The following CSMD1 variants were observed in gnomAD, a reference collection of about 807,000 sequenced individuals.
CSMD1 encodes CUB and sushi domain-containing protein 1.
CSMD1 carries 213 observed loss-of-function variants against 417.5 expected under a neutral mutation model. The observed-to-expected ratio is 0.51, with a 90% CI of 0.46 to 0.57. The LOEUF is 0.57. Among genes scored for constraint, CSMD1 ranks in the 20% least tolerant of loss-of-function variants. The probability of loss-of-function intolerance (pLI) is 0.00; values close to 1 mark genes in which losing one functional copy is unlikely to be tolerated. For synonymous variants in CSMD1, 2,862 were observed against 1,736.8 expected, an observed-to-expected ratio of 1.65 and a Z score of -16.11; for missense variants, 6,923 against 4,529.7, an observed-to-expected ratio of 1.53 and a Z score of -15.17.
chr8:4,722,156 G>T (rs1169569942), intron 1 of CSMD1, among the ~76,000 whole-genome samples: 1 of 152,090 alleles, frequency 6.6e-6, no homozygotes, highest in East Asian at 1.9e-4. Flanking sequence ...GAGAGAAGAT[G>T]TAAGATTTTT....
chr8:3,365,855 G>T (rs991003022), intron 20 of CSMD1, among the ~76,000 whole-genome samples: 2 of 152,160 alleles, frequency 1.3e-5, no homozygotes, highest in Non-Finnish European at 2.9e-5. Flanking sequence ...CCGCACAGTG[G>T]AACATCATCT....
chr8:3,645,701 A>G (rs1797539770), intron 7 of CSMD1, among the ~76,000 whole-genome samples: 1 of 152,210 alleles, frequency 6.6e-6, no homozygotes. Context: ...AAAGAACTTT[A>G]CTTGGCTCTG....
intron 1 of CSMD1, among the ~76,000 whole-genome samples, chr8:4,900,384 C>A (rs952254532): frequency 6.6e-6 from 1 of 152,172 alleles, no homozygotes; most frequent in Non-Finnish European, 1.5e-5. Flanking sequence ...TGACGAACCT[C>A]CTTCCGCACG....
chr8:4,439,630 C>T lies in CSMD1; in HGVS notation c.303-19565G>A, dbSNP rs549572448. Among the ~76,000 whole-genome samples, 130 of 152,114 alleles carry T rather than the reference C, an allele frequency of 8.5e-4. 1 individual carries two copies. Among genetic ancestry groups the T allele is most frequent in the Admixed American group, 4.2e-3 (64 of 15,284 alleles). On this transcript the variant is annotated intron_variant, in intron 2 of 69. Transcript: ENST00000635120. ...TTTGTTTTAAGGTAAAGTAAAACAGCACCATAAGGCAAAATGGAAGTTGGT... is the reference window on the plus strand; with the variant it reads ...TTTGTTTTAAGGTAAAGTAAAACAGTACCATAAGGCAAAATGGAAGTTGGT...
chr8:4,037,543 T>C lies in CSMD1; in HGVS notation c.416-5444A>G, dbSNP rs138338662. Among the ~76,000 whole-genome samples, 627 of 152,304 alleles carry C rather than the reference T, an allele frequency of 4.1e-3. 5 individuals carry two copies. Among genetic ancestry groups the C allele is most frequent in the African/African-American group, 0.015 (603 of 41,572 alleles). On this transcript the variant is annotated intron_variant, in intron 3 of 69. Coordinates refer to ENST00000635120, the MANE Select transcript of CSMD1 (RefSeq NM_033225.6). ...TTTAGAAGAATTTGAAAAACACAAA[T>C]CAGACATAGCCTTTGCAAGGTGCCG...
intron 3 of CSMD1, among the ~76,000 whole-genome samples, chr8:4,171,924 C>T (rs972954955): frequency 2.0e-5 from 3 of 152,064 alleles, no homozygotes; most frequent in South Asian, 2.1e-4. Flanking sequence ...TTATGTTTCT[C>T]GCAATACTCT....
At chr8:3,548,742 G>C (rs1040634546) in intron 10 of CSMD1, among the ~76,000 whole-genome samples, 2 of 150,656 alleles carry the variant, frequency 1.3e-5, no homozygotes, top group African/African-American at 4.9e-5. Flanking sequence ...AGGAATTTGG[G>C]TTGTTTCTAA....
chr8:4,230,774 A>C (rs893754857), intron 3 of CSMD1, among the ~76,000 whole-genome samples: 1 of 151,648 alleles, frequency 6.6e-6, no homozygotes, highest in African/African-American at 2.4e-5. Context: ...TTTTTTTTTG[A>C]CTTTCAAGTA....
chr8:2,940,740 G>C (rs991829091), intron 69 of CSMD1, among the ~76,000 whole-genome samples: 1 of 152,172 alleles, frequency 6.6e-6, no homozygotes, highest in African/African-American at 2.4e-5. Flanking sequence ...TCTTTTTAAA[G>C]GACAAGACAA....
intron 3 of CSMD1, among the ~76,000 whole-genome samples, chr8:4,396,291 A>G (rs983876908): frequency 7.0e-6 from 1 of 142,090 alleles, no homozygotes; most frequent in South Asian, 2.2e-4. Flanking sequence ...GTGAGACATC[A>G]TCTCTTAAAA....
intron 5 of CSMD1, among the ~76,000 whole-genome samples, chr8:3,993,960 A>T (rs1009694439): frequency 6.6e-6 from 1 of 152,322 alleles, no homozygotes; most frequent in African/African-American, 2.4e-5. Context: ...CCAGTAACAT[A>T]AAGACAGGGA....
chr8:3,512,596 TTTTC>T (rs1196349617), intron 10 of CSMD1, among the ~76,000 whole-genome samples: 1 of 141,834 alleles, frequency 7.1e-6, no homozygotes, highest in Non-Finnish European at 1.5e-5. Flanking sequence ...ACTTTAATTT[TTTTC>T]TTTTTTTTTT....
At chr8:3,048,709 G>T (rs568050588) in intron 50 of CSMD1, among the ~76,000 whole-genome samples, 1 of 151,762 alleles carries the variant, frequency 6.6e-6, no homozygotes, top group East Asian at 1.9e-4. Context: ...GAGGCAGGAT[G>T]CATTTTAAAA....
intron 3 of CSMD1, among the ~76,000 whole-genome samples, chr8:4,202,206 A>G (rs1285995441): frequency 2.0e-5 from 3 of 152,188 alleles, no homozygotes; most frequent in African/African-American, 7.2e-5. Flanking sequence ...GACGCAACAA[A>G]ATGAGATGTG....
At chr8:4,421,940 AAG>A (rs1280628598) in intron 2 of CSMD1, among the ~76,000 whole-genome samples, 1 of 152,036 alleles carries the variant, frequency 6.6e-6, no homozygotes, top group Non-Finnish European at 1.5e-5. Flanking sequence ...AGAAGGTACA[AAG>A]AGTCACTGTC....
chr8:4,173,558 A>T (rs1051694819), intron 3 of CSMD1, among the ~76,000 whole-genome samples: 1 of 152,120 alleles, frequency 6.6e-6, no homozygotes, highest in Non-Finnish European at 1.5e-5. Flanking sequence ...AGAAAGATAA[A>T]ATTATCAAAT....
At chr8:4,758,047 A>T (rs987397826) in intron 1 of CSMD1, among the ~76,000 whole-genome samples, 7 of 151,988 alleles carry the variant, frequency 4.6e-5, no homozygotes, top group Admixed American at 3.3e-4. Flanking sequence ...CCTTTAGGAT[A>T]TCTTCTTTCC....
intron 5 of CSMD1, among the ~76,000 whole-genome samples, chr8:3,825,986 G>A (rs1047588896): frequency 1.7e-4 from 26 of 152,132 alleles, no homozygotes; most frequent in Admixed American, 1.4e-3. Context: ...CAGCAGGATC[G>A]TATTCTTTAT....
intron 5 of CSMD1, among the ~76,000 whole-genome samples, chr8:3,935,927 A>T (rs762116661): frequency 1.3e-5 from 2 of 152,192 alleles, no homozygotes; most frequent in Admixed American, 6.6e-5. Context: ...CTCCTGCACT[A>T]AACAGTGAGC....
Sources: allele counts gnomAD v4.1 joint callset (sites outside exome capture counted in the v4.1 genomes callset), GRCh38; gene constraint gnomAD v4.1.1; transcripts MANE v1.5; gene names NCBI Gene and HGNC (gene_info 2026-07-23, HGNC 2026-07-21).